GREB1L: variants seen among roughly 807,000 people sequenced by gnomAD.
GREB1L encodes GREB1 like retinoic acid receptor coactivator.
In GREB1L, 17 loss-of-function variants were observed where a neutral mutation model predicts 200.8. That is an observed-to-expected ratio of 0.08 (90% CI 0.06 to 0.13). The LOEUF is 0.13. GREB1L is among the 10% of genes least tolerant of loss of function. GREB1L has a pLI of 1.00. For synonymous variants in GREB1L, 789 were observed against 893.0 expected, an observed-to-expected ratio of 0.88 and a Z score of 2.08; for missense variants, 1,657 against 2,367.7, an observed-to-expected ratio of 0.70 and a Z score of 6.23.
At chr18:21,316,277 G>A (rs1180672825) in intron 1 of GREB1L, among the ~76,000 whole-genome samples, 1 of 152,086 alleles carries the variant, frequency 6.6e-6, no homozygotes, top group Non-Finnish European at 1.5e-5. Context: ...CCAGGCTGGA[G>A]TACGTTGGCA....
At chr18:21,499,051 G>T (rs2036668180) in intron 21 of GREB1L, among the ~76,000 whole-genome samples, 2 of 152,212 alleles carry the variant, frequency 1.3e-5, no homozygotes, top group Admixed American at 6.5e-5. Flanking sequence ...AAAGCCACCG[G>T]CCTTGGAGTC....
In GREB1L at chr18:21,500,296, G is replaced by C. The variant is rs771967216; in HGVS notation, c.3959G>C (p.Gly1320Ala). The part of the protein sequence containing the change: ...NFHPRRLLLT[G>A]PPQVGKTGSY... ...CACCCCCGACGGCTCCTGCTGACAG[G>C]GCCCCCACAGGTAGGGCCAAGCCAG... The change falls in exon 22 of 33, where the codon GGG (glycine) becomes GCG (alanine). Residue 1320 changes from glycine to alanine, a missense_variant. Transcript: ENST00000424526. The C allele has an allele frequency of 1.6e-6, 2 of 1,280,642 alleles. No individual in the cohort carries two copies. The highest frequency in any genetic ancestry group is 2.2e-6 in the Non-Finnish European group (2 of 913,418). 79.3% of individuals were successfully genotyped at this position (1,280,642 alleles called of 1,614,324 possible).
At position 21,409,381 on chromosome 18, in the gene GREB1L, G is replaced by A. The variant is rs79314116; in HGVS notation, c.832+5387G>A. On this transcript the variant is annotated intron_variant, in intron 7 of 32. Transcript: ENST00000424526. ...CTTGCCTGGAGCAGGGAGTGGGAATGGAGATGAACAGAAAATGGGGTGTGA... is the reference window on the plus strand; with the variant it reads ...CTTGCCTGGAGCAGGGAGTGGGAATAGAGATGAACAGAAAATGGGGTGTGA... Among the ~76,000 whole-genome samples the A allele has an allele frequency of 2.3e-3, 349 of 152,318 alleles. 1 individual carries two copies. The highest frequency in any genetic ancestry group is 3.8e-3 in the Non-Finnish European group (258 of 68,020).
At chr18:21,427,308 A>G (rs986814379) in intron 7 of GREB1L, among the ~76,000 whole-genome samples, 2 of 151,992 alleles carry the variant, frequency 1.3e-5, no homozygotes, top group African/African-American at 4.8e-5. Context: ...GTTCAAGAGC[A>G]GCCTGGGCAA....
intron 1 of GREB1L, among the ~76,000 whole-genome samples, chr18:21,313,031 A>G (rs1350622542): frequency 6.6e-6 from 1 of 152,144 alleles, no homozygotes; most frequent in Non-Finnish European, 1.5e-5. Context: ...AGTTACTTAT[A>G]GATGCTGGAT....
chr18:21,328,017 C>T (rs2039049983), intron 1 of GREB1L, among the ~76,000 whole-genome samples: 1 of 152,064 alleles, frequency 6.6e-6, no homozygotes, highest in Non-Finnish European at 1.5e-5. Context: ...CCCGGCCAAC[C>T]CCAGCCTTTC....
intron 7 of GREB1L, among the ~76,000 whole-genome samples, chr18:21,428,635 CTT>C (rs35509415): frequency 2.2e-5 from 3 of 137,520 alleles, no homozygotes; most frequent in African/African-American, 2.7e-5. Context: ...CATATAGTCC[CTT>C]TTTTTTTTTT....
Position 21,522,757 on chromosome 18 carries a change from A to G in GREB1L, c.5708A>G (p.Glu1903Gly). 2 of 1,551,718 alleles carry G rather than the reference A, an allele frequency of 1.3e-6. No homozygotes were observed. The highest frequency in any genetic ancestry group is 4.9e-5 in the East Asian group (2 of 40,924). Residue 1903 changes from glutamate to glycine, a missense_variant, in exon 33 of 33, where the codon GAG (glutamate) becomes GGG (glycine). Glu to Gly is a moderately conservative substitution (Grantham distance 98). Coordinates refer to ENST00000424526, the MANE Select transcript of GREB1L (RefSeq NM_001142966.3). ...EDEWQFRLRD[E>G]FQTANSSDDK... ...GAGTGGCAGTTCCGCCTCCGGGACG[A>G]GTTTCAAACTGCTAACAGCAGTGAT...
At position 21,522,797 on chromosome 18, in the gene GREB1L, C is replaced by T; in HGVS notation, c.5748C>T (p.Tyr1916=). The stretch of plus-strand genomic sequence containing the variant: ...ACAGCAGTGATGACAAGCCTCTCTA[C>T]TTTCTTACTGGACGTCATGTATGAG... ...TANSSDDKPL[Y]FLTGRHV Residue 1916 remains tyrosine (Y), a synonymous_variant, in exon 33 of 33, where the codon TAC becomes TAT. Coordinates refer to ENST00000424526, the MANE Select transcript of GREB1L (RefSeq NM_001142966.3). 1 of 1,551,474 alleles carries T rather than the reference C, an allele frequency of 6.4e-7. No homozygotes were observed. The highest frequency in any genetic ancestry group is 8.7e-7 in the Non-Finnish European group (1 of 1,146,906).
chr18:21,523,669 T>A lies in GREB1L; in HGVS notation c.*848T>A. 1 of 152,388 alleles carries A rather than the reference T, an allele frequency of 6.6e-6. No homozygotes were observed. Among genetic ancestry groups the A allele is most frequent in the Non-Finnish European group, 1.5e-5 (1 of 68,044 alleles). The allele number at this position is 152,388 out of a possible 1,614,324, so 9.4% of individuals were successfully genotyped here. On this transcript the variant is annotated 3_prime_UTR_variant, in exon 33 of 33. Transcript: ENST00000424526. The stretch of plus-strand genomic sequence containing the variant: ...ACCTGCACCCACCGTTTGGTTGGAA[T>A]TAAGCAGTTGGCACCAGCAAACCTA...
chr18:21,372,304 C>A (rs1234364227), intron 2 of GREB1L, among the ~76,000 whole-genome samples: 1 of 151,738 alleles, frequency 6.6e-6, no homozygotes, highest in Non-Finnish European at 1.5e-5. Context: ...CCCGCCACCC[C>A]GCCAGGCCAA....
At chr18:21,281,420 C>A (rs1306334076) in intron 1 of GREB1L, among the ~76,000 whole-genome samples, 1 of 152,108 alleles carries the variant, frequency 6.6e-6, no homozygotes, top group Admixed American at 6.5e-5. Context: ...TTAAAAACCT[C>A]TTTACTATAC....
chr18:21,477,038 TC>T, intron 16 of GREB1L, 125 bp from the exon 17 acceptor site: 1 of 608,690 alleles, frequency 1.6e-6, no homozygotes, highest in Non-Finnish European at 2.7e-6. Flanking sequence ...TTTAGTTGTT[TC>T]TTCTCTGCTC....
rs2037635643 is a variant in GREB1L, at chr18:21,523,397, A to G, written c.*576A>G. On this transcript the variant is annotated 3_prime_UTR_variant, in exon 33 of 33. Transcript: ENST00000424526. ...GTTAGTTTAAGATTTATAATCTTCTATGTATTGAAACTTTTGGCAAAATTT... is the reference window on the plus strand; with the variant it reads ...GTTAGTTTAAGATTTATAATCTTCTGTGTATTGAAACTTTTGGCAAAATTT... 6.6e-6 allele frequency: 1 copy of G among 152,242 alleles called. No homozygotes were observed. The highest frequency in any genetic ancestry group is 1.5e-5 in the Non-Finnish European group (1 of 68,028). 9.4% of individuals were successfully genotyped at this position (152,242 alleles called of 1,614,324 possible). A position where few individuals can be genotyped will look rare whatever the true frequency, so the allele number is the denominator to read the frequency against.
chr18:21,248,631 C>G (rs1158382048), intron 1 of GREB1L, among the ~76,000 whole-genome samples: 1 of 152,200 alleles, frequency 6.6e-6, no homozygotes, highest in Admixed American at 6.5e-5. Flanking sequence ...TGTTCTTATA[C>G]TAAGACTGAT....
intron 4 of GREB1L, among the ~76,000 whole-genome samples, chr18:21,393,264 A>ATCC (rs1178617600): frequency 6.6e-6 from 1 of 152,056 alleles, no homozygotes; most frequent in African/African-American, 2.4e-5. Flanking sequence ...AGAGGTAGGC[A>ATCC]TCCTCCTTGC....
intron 1 of GREB1L, among the ~76,000 whole-genome samples, chr18:21,316,017 C>T (rs1157539266): frequency 6.6e-6 from 1 of 152,156 alleles, no homozygotes; most frequent in African/African-American, 2.4e-5. Flanking sequence ...AGGAAGGAGG[C>T]TAAGCAGCAC....
At chr18:21,518,629 A>C (rs2037506844) in intron 31 of GREB1L, among the ~76,000 whole-genome samples, 1 of 152,224 alleles carries the variant, frequency 6.6e-6, no homozygotes, top group Non-Finnish European at 1.5e-5. Flanking sequence ...TCTTCATAAA[A>C]GTGTGAGTTC....
In GREB1L at chr18:21,500,076, A is replaced by T; in HGVS notation, c.3739A>T (p.Ser1247Cys). Reference sequence around the variant, plus strand: ...CTACAGTCTCCTGGGCTCCCAGAAGAGTGGCAAGCTGCCATCCTCCTCCTC... The same window carrying T: ...CTACAGTCTCCTGGGCTCCCAGAAGTGTGGCAAGCTGCCATCCTCCTCCTC... ...AAYSLLGSQK[S>C]GKLPSSSSLL... The change falls in exon 22 of 33, where the codon AGT (serine) becomes TGT (cysteine). Residue 1247 changes from serine (S) to cysteine (C), a missense_variant. Ser to Cys is a moderately radical substitution (Grantham distance 112, BLOSUM62 -1). Coordinates refer to ENST00000424526, the MANE Select transcript of GREB1L (RefSeq NM_001142966.3). 1 of 1,551,664 alleles carries T rather than the reference A, an allele frequency of 6.4e-7. No individual in the cohort carries two copies. The highest frequency in any genetic ancestry group is 1.4e-5 in the African/African-American group (1 of 73,178).
Sources: gnomAD v4.1 joint callset for allele counts (sites outside exome capture counted in the v4.1 genomes callset) on GRCh38, gnomAD v4.1.1 for gene constraint, MANE v1.5 for transcripts, NCBI Gene and HGNC (gene_info 2026-07-23, HGNC 2026-07-21) for gene names.